Variants in RAB27B observed in about 807,000 individuals in gnomAD.
The protein encoded by RAB27B is RAB27B, member RAS oncogene family.
A neutral mutation model predicts 24.6 loss-of-function variants in RAB27B; 15 were observed. The observed-to-expected ratio is 0.61, with a 90% CI of 0.41 to 0.94. RAB27B has a LOEUF of 0.94. RAB27B is among the 40% of genes least tolerant of loss of function. The probability of loss-of-function intolerance (pLI) is 0.00; values close to 1 mark genes in which losing one functional copy is unlikely to be tolerated. For missense variants in RAB27B, 261 were observed against 266.8 expected, an observed-to-expected ratio of 0.98 and a Z score of 0.15; for synonymous variants, 105 against 92.5, an observed-to-expected ratio of 1.14 and a Z score of -0.78.
chr18:54,826,427 T>C (rs1910479113), upstream of RAB27B, among the ~76,000 whole-genome samples: 1 of 152,142 alleles, frequency 6.6e-6, no homozygotes, highest in South Asian at 2.1e-4. Flanking sequence ...CTCTTTCTCT[T>C]CCTTGGAACC....
chr18:54,866,970 G>A (rs1018317435), intron 1 of RAB27B, among the ~76,000 whole-genome samples: 7 of 152,118 alleles, frequency 4.6e-5, no homozygotes, highest in Non-Finnish European at 1.0e-4. Flanking sequence ...GTCACACAAG[G>A]CAGGAATGAA....
chr18:54,778,312 G>C (rs566813881), intron 2 of RAB27B, among the ~76,000 whole-genome samples: 1 of 151,888 alleles, frequency 6.6e-6, no homozygotes, highest in African/African-American at 2.4e-5. Flanking sequence ...GTTTCTCCAC[G>C]TCCTTCAGCA....
chr18:54,889,122 C>A lies in RAB27B; in HGVS notation c.468-102C>A, dbSNP rs935615311. On this transcript the variant is annotated intron_variant, in intron 5 of 5. Coordinates refer to ENST00000262094, the MANE Select transcript of RAB27B (RefSeq NM_004163.4). ...AGCAAAACCATAATCATTTCACAATCTCTCAGCCAGCCGTTTTTGCATGTG... is the reference window on the plus strand; with the variant it reads ...AGCAAAACCATAATCATTTCACAATATCTCAGCCAGCCGTTTTTGCATGTG... 8 of 1,132,044 alleles carry A rather than the reference C, an allele frequency of 7.1e-6. No individual in the cohort carries two copies. In the African/African-American group the frequency reaches 1.1e-4, roughly 16 times the overall value. 70.1% of individuals were successfully genotyped at this position (1,132,044 alleles called of 1,614,324 possible).
intron 3 of RAB27B, among the ~76,000 whole-genome samples, chr18:54,883,714 T>G (rs1913018273): frequency 6.6e-6 from 1 of 152,130 alleles, no homozygotes. Flanking sequence ...AATGACTATG[T>G]CTCTTTTCTG....
intron 2 of RAB27B, among the ~76,000 whole-genome samples, chr18:54,792,346 C>G (rs916753570): frequency 6.6e-6 from 1 of 152,144 alleles, no homozygotes; most frequent in Non-Finnish European, 1.5e-5. Context: ...CCATGAGCCA[C>G]GGTTGCACCA....
intron 2 of RAB27B, chr18:54,744,728 C>T (rs186509661): frequency 1.3e-5 from 2 of 153,230 alleles, no homozygotes; most frequent in East Asian, 1.9e-4. Context: ...CCTCTCAGAA[C>T]TTAAAGGGAA....
intron 1 of RAB27B, among the ~76,000 whole-genome samples, chr18:54,850,333 G>GATATATATATATATATAT (rs35735191): frequency 0.018 from 1,686 of 94,492 alleles, 56 homozygotes; most frequent in Middle Eastern, 0.042. Flanking sequence ...AAACAAACAG[G>GATATATATATATATATAT]ATATATATAT....
intron 2 of RAB27B, among the ~76,000 whole-genome samples, chr18:54,790,435 A>C (rs1015331265): frequency 1.3e-5 from 2 of 152,148 alleles, no homozygotes; most frequent in Non-Finnish European, 2.9e-5. Context: ...ATGCATTTTG[A>C]AGGTTGACTA....
chr18:54,803,210 T>G (rs149426542), intron 2 of RAB27B, among the ~76,000 whole-genome samples: 1 of 152,278 alleles, frequency 6.6e-6, no homozygotes, highest in East Asian at 1.9e-4. Context: ...GTACAGAAAC[T>G]GGGAAAACAA....
rs1273792966 is a variant in RAB27B, at chr18:54,888,145, GT to G, written c.467+28del. Reference sequence around the variant, plus strand: ...TAAGTCAGTTACACTGAGATGGCATGTGACTTGCACACTGCTGTTCAGCAAA... The same window carrying G: ...TAAGTCAGTTACACTGAGATGGCATGGACTTGCACACTGCTGTTCAGCAAA... On this transcript the variant is annotated intron_variant, in intron 5 of 5. Coordinates refer to ENST00000262094, the MANE Select transcript of RAB27B (RefSeq NM_004163.4). 3 of 1,610,524 alleles carry G rather than the reference GT, an allele frequency of 1.9e-6. 1 individual carries two copies. In the South Asian group the frequency reaches 3.3e-5, roughly 18 times the overall value.
chr18:54,742,323 T>A (rs1348955903), intron 2 of RAB27B, among the ~76,000 whole-genome samples: 1 of 152,200 alleles, frequency 6.6e-6, no homozygotes, highest in African/African-American at 2.4e-5. Flanking sequence ...TGCGGTTTAT[T>A]TGATGATTAA....
At chr18:54,767,473 G>A (rs1908399930) in intron 2 of RAB27B, among the ~76,000 whole-genome samples, 1 of 152,146 alleles carries the variant, frequency 6.6e-6, no homozygotes, top group Non-Finnish European at 1.5e-5. Flanking sequence ...CCAGTAGATG[G>A]TGATTAATTA....
intron 1 of RAB27B, among the ~76,000 whole-genome samples, chr18:54,866,886 G>T (rs941827498): frequency 2.7e-4 from 41 of 152,290 alleles, no homozygotes; most frequent in Non-Finnish European, 4.6e-4. Context: ...CGGGAAACAA[G>T]TTCAAAGGTT....
At chr18:54,854,847 TA>T (rs1312048960) in intron 1 of RAB27B, among the ~76,000 whole-genome samples, 1 of 152,244 alleles carries the variant, frequency 6.6e-6, no homozygotes, top group East Asian at 1.9e-4. Context: ...TTTATCCATT[TA>T]AAACAGTGGT....
At chr18:54,790,557 A>G (rs1157176722) in intron 2 of RAB27B, among the ~76,000 whole-genome samples, 2 of 152,170 alleles carry the variant, frequency 1.3e-5, no homozygotes, top group African/African-American at 4.8e-5. Flanking sequence ...TAAACAGATT[A>G]CTTTCAAAAA....
At chr18:54,801,455 A>G (rs754014224) in intron 2 of RAB27B, among the ~76,000 whole-genome samples, 11 of 152,272 alleles carry the variant, frequency 7.2e-5, no homozygotes, top group African/African-American at 1.4e-4. Flanking sequence ...AAACTGGAAA[A>G]TCTGTCATCA....
intron 2 of RAB27B, among the ~76,000 whole-genome samples, chr18:54,752,831 TTG>T (rs1291172019): frequency 1.3e-5 from 2 of 152,188 alleles, no homozygotes; most frequent in African/African-American, 4.8e-5. Flanking sequence ...GTTGCCTGCC[TTG>T]GGGAGTCTGC....
At chr18:54,860,534 C>T (rs945872118) in intron 1 of RAB27B, among the ~76,000 whole-genome samples, 26 of 152,154 alleles carry the variant, frequency 1.7e-4, no homozygotes, top group African/African-American at 9.7e-5. Context: ...TATTTCTGCC[C>T]ACCCCACCAA....
chr18:54,819,686 A>G (rs1315528607), intron 2 of RAB27B, among the ~76,000 whole-genome samples: 3 of 152,002 alleles, frequency 2.0e-5, no homozygotes, highest in Non-Finnish European at 4.4e-5. Context: ...TTAGTTACAT[A>G]TGTATACATG....
Sources: gnomAD v4.1 joint callset for allele counts (sites outside exome capture counted in the v4.1 genomes callset) on GRCh38, gnomAD v4.1.1 for gene constraint, MANE v1.5 for transcripts, NCBI Gene and HGNC (gene_info 2026-07-23, HGNC 2026-07-21) for gene names.